The following L3MBTL4 variants were observed in gnomAD, a reference collection of about 807,000 sequenced individuals.
L3MBTL4 encodes lethal(3)malignant brain tumor-like protein 4.
A neutral mutation model predicts 84.5 loss-of-function variants in L3MBTL4; 70 were observed. The ratio of observed to expected loss-of-function variants is 0.83; its 90% CI spans 0.68 to 1.01. The LOEUF (loss-of-function observed/expected upper bound fraction) is 1.01. Ranked by LOEUF, L3MBTL4 falls within the 50% of genes least tolerant of loss-of-function variation. The pLI is 0.00. For missense variants in L3MBTL4, 715 were observed against 754.8 expected, an observed-to-expected ratio of 0.95 and a Z score of 0.62; for synonymous variants, 274 against 259.8, an observed-to-expected ratio of 1.05 and a Z score of -0.52.
chr18:6,413,086 A>C (rs1379485228), intron 1 of L3MBTL4, among the ~76,000 whole-genome samples: 2 of 152,112 alleles, frequency 1.3e-5, no homozygotes, highest in Admixed American at 6.5e-5. Flanking sequence ...CCCTATCTCT[A>C]AAAAATAAAA....
intron 10 of L3MBTL4, among the ~76,000 whole-genome samples, chr18:6,236,034 A>ATT: frequency 6.6e-6 from 1 of 152,346 alleles, no homozygotes; most frequent in East Asian, 1.9e-4. Context: ...TGATCTACAG[A>ATT]TTCAGTGCAC....
chr18:5,958,111 AG>A, intron 18 of L3MBTL4, among the ~76,000 whole-genome samples: 10 of 77,922 alleles, frequency 1.3e-4, no homozygotes, highest in South Asian at 8.8e-4. Context: ...AAGAAGAAGA[AG>A]AAGAAGAAGA....
intron 1 of L3MBTL4, among the ~76,000 whole-genome samples, chr18:6,336,917 T>C (rs180471): frequency 0.06 from 9,101 of 152,070 alleles, 325 homozygotes; most frequent in East Asian, 0.1. Context: ...TTAAGGAAAA[T>C]TAAATTAAAT....
At chr18:6,250,527 G>C (rs1489769174) in intron 5 of L3MBTL4, among the ~76,000 whole-genome samples, 2 of 152,192 alleles carry the variant, frequency 1.3e-5, no homozygotes, top group Non-Finnish European at 2.9e-5. Flanking sequence ...GCGCTCAAGT[G>C]ATATAGCTGC....
chr18:6,156,747 C>T (rs78220526), intron 13 of L3MBTL4, among the ~76,000 whole-genome samples: 12 of 152,258 alleles, frequency 7.9e-5, no homozygotes, highest in East Asian at 5.8e-4. Context: ...TTAGAAGGGA[C>T]GGGCTATTGT....
intron 4 of L3MBTL4, among the ~76,000 whole-genome samples, chr18:6,283,810 A>G (rs1324515515): frequency 6.6e-6 from 1 of 152,238 alleles, no homozygotes; most frequent in Non-Finnish European, 1.5e-5. Flanking sequence ...ACAACATGCC[A>G]ATTAAGTGGC....
intron 14 of L3MBTL4, among the ~76,000 whole-genome samples, chr18:6,131,796 G>A (rs1461617294): frequency 6.6e-6 from 1 of 152,074 alleles, no homozygotes; most frequent in Non-Finnish European, 1.5e-5. Context: ...ATCCAAGGTT[G>A]GTACTGAAGA....
chr18:6,126,082 G>C (rs2144416362), intron 14 of L3MBTL4, among the ~76,000 whole-genome samples: 1 of 152,112 alleles, frequency 6.6e-6, no homozygotes, highest in South Asian at 2.1e-4. Context: ...AAAAAAATCT[G>C]TATATTCTGT....
At chr18:5,959,058 CT>C (rs2095248980) in intron 18 of L3MBTL4, among the ~76,000 whole-genome samples, 1 of 152,220 alleles carries the variant, frequency 6.6e-6, no homozygotes, top group African/African-American at 2.4e-5. Flanking sequence ...CTGAGGCTAT[CT>C]GACCTTGATG....
intron 12 of L3MBTL4, among the ~76,000 whole-genome samples, chr18:6,204,856 T>C (rs77126562): frequency 0.011 from 1,645 of 152,368 alleles, 30 homozygotes; most frequent in African/African-American, 0.037. Context: ...ATCATATCCA[T>C]AGGGCCCACA....
chr18:6,143,601 TA>T (rs1313325630), intron 13 of L3MBTL4, among the ~76,000 whole-genome samples: 1 of 152,220 alleles, frequency 6.6e-6, no homozygotes, highest in Non-Finnish European at 1.5e-5. Flanking sequence ...AAGAATAGCT[TA>T]CTATAATTTG....
chr18:6,388,402 C>T (rs1358516884), intron 1 of L3MBTL4, among the ~76,000 whole-genome samples: 2 of 152,076 alleles, frequency 1.3e-5, no homozygotes, highest in African/African-American at 4.8e-5. Flanking sequence ...AAAGTTGATA[C>T]CTAACAATAT....
At chr18:6,379,983 C>A (rs951199316) in intron 1 of L3MBTL4, among the ~76,000 whole-genome samples, 1 of 152,128 alleles carries the variant, frequency 6.6e-6, no homozygotes, top group Non-Finnish European at 1.5e-5. Flanking sequence ...TAATTACTGC[C>A]TCAATTTCAG....
chr18:5,979,934 C>A (rs1321315583), intron 16 of L3MBTL4, among the ~76,000 whole-genome samples: 2 of 152,184 alleles, frequency 1.3e-5, no homozygotes, highest in Non-Finnish European at 2.9e-5. Flanking sequence ...GGAATGACAG[C>A]CACCTGGGCT....
At chr18:6,304,718 T>C (rs932386723) in intron 3 of L3MBTL4, among the ~76,000 whole-genome samples, 1 of 152,238 alleles carries the variant, frequency 6.6e-6, no homozygotes, top group Non-Finnish European at 1.5e-5. Context: ...GGTAGCACTT[T>C]ACCCCAGTTC....
rs574657822 is a variant in L3MBTL4, at chr18:6,215,329, C to T, written c.870+421G>A. ...AACAAATGCTGAAAGAAAGGTTTAC[C>T]TCAAAATATATAACATTATCCACAC... On this transcript the variant is annotated intron_variant, in intron 11 of 18. Transcript: ENST00000317931. Among the ~76,000 whole-genome samples the T allele has an allele frequency of 2.0e-5, 3 of 152,178 alleles. No homozygotes were observed. In the East Asian group the frequency reaches 5.8e-4, roughly 29 times the overall value.
intron 13 of L3MBTL4, among the ~76,000 whole-genome samples, chr18:6,152,949 T>G (rs1211011942): frequency 6.6e-6 from 1 of 152,188 alleles, no homozygotes; most frequent in African/African-American, 2.4e-5. Context: ...TTCTTCTGCA[T>G]GTGGATATGT....
intron 14 of L3MBTL4, among the ~76,000 whole-genome samples, chr18:6,124,169 G>A (rs1439076058): frequency 6.6e-6 from 1 of 152,132 alleles, no homozygotes; most frequent in Non-Finnish European, 1.5e-5. Flanking sequence ...CAGAGGGACA[G>A]GACGAAGAAT....
intron 1 of L3MBTL4, among the ~76,000 whole-genome samples, chr18:6,343,250 G>GAT (rs2052699290): frequency 6.6e-6 from 1 of 152,146 alleles, no homozygotes; most frequent in South Asian, 2.1e-4. Context: ...GGACCTAACA[G>GAT]ATATATAGAG....
Sources: gnomAD v4.1 joint callset for allele counts (sites outside exome capture counted in the v4.1 genomes callset) on GRCh38, gnomAD v4.1.1 for gene constraint, MANE v1.5 for transcripts, NCBI Gene and HGNC (gene_info 2026-07-23, HGNC 2026-07-21) for gene names.